The following MFN1 variants were observed in gnomAD, a reference collection of about 807,000 sequenced individuals.
MFN1 encodes the protein mitofusin-1.
MFN1 carries 65 observed loss-of-function variants against 92.4 expected under a neutral mutation model. The observed-to-expected ratio is 0.70, with a 90% CI of 0.58 to 0.86. MFN1 has a LOEUF of 0.86. Ranked by LOEUF, MFN1 falls within the 40% of genes least tolerant of loss-of-function variation. The pLI, the probability that MFN1 is intolerant of heterozygous loss-of-function variation, is 0.00. For missense variants in MFN1, 781 were observed against 868.0 expected (o/e 0.90, Z 1.26); for synonymous variants, 297 against 300.9 (o/e 0.99, Z 0.13).
intron 16 of MFN1, among the ~76,000 whole-genome samples, chr3:179,387,961 T>C (rs1181865938): frequency 6.6e-6 from 1 of 152,102 alleles, no homozygotes; most frequent in East Asian, 1.9e-4. Flanking sequence ...CTCAATCTCC[T>C]GACCTCATGA....
chr3:179,377,204 G>A (rs1266293436), intron 11 of MFN1, 36 bp downstream of exon 11: 1 of 1,587,960 alleles, frequency 6.3e-7, no homozygotes, highest in Admixed American at 1.8e-5. Context: ...AAATAACCTG[G>A]ATGGAAATTA....
At chr3:179,352,428 CTGAGA>C (rs1203003010) in intron 3 of MFN1, among the ~76,000 whole-genome samples, 1 of 152,214 alleles carries the variant, frequency 6.6e-6, no homozygotes, top group African/African-American at 2.4e-5. Context: ...AGGCTCTTGT[CTGAGA>C]TAACTATTTC....
At chr3:179,383,391 T>G (rs893377236) in intron 14 of MFN1, among the ~76,000 whole-genome samples, 9 of 152,204 alleles carry the variant, frequency 5.9e-5, no homozygotes, top group Non-Finnish European at 1.3e-4. Flanking sequence ...ATGTGTGGTA[T>G]TATTTCTGAG....
intron 4 of MFN1, 150 bp from the exon 5 acceptor site, chr3:179,362,208 T>C (rs992119301): frequency 6.9e-6 from 5 of 726,604 alleles, no homozygotes; most frequent in Non-Finnish European, 9.7e-6. Flanking sequence ...ATTTAAAAAT[T>C]CAGGTTCTCA....
chr3:179,365,232 T>A lies in MFN1; in HGVS notation c.753+7T>A, dbSNP rs1305022242. 1.3e-6 allele frequency: 2 copies of A among 1,500,622 alleles called. No individual in the cohort carries two copies. The highest frequency in any genetic ancestry group is 1.8e-6 in the Non-Finnish European group (2 of 1,123,088). The allele number at this position is 1,500,622 out of a possible 1,614,324, so 93.0% of individuals were successfully genotyped here. ...GCCAGAATATATGGAAGACGTAAGT[T>A]GTTATTTTTTTTTTTGTAGGTTTTG... On this transcript the variant is annotated splice_region_variant and intron_variant, in intron 7 of 17. Coordinates refer to ENST00000471841, the MANE Select transcript of MFN1 (RefSeq NM_033540.3).
chr3:179,387,903 T>C (rs2108560003), intron 16 of MFN1, among the ~76,000 whole-genome samples: 1 of 152,062 alleles, frequency 6.6e-6, no homozygotes, highest in South Asian at 2.1e-4. Flanking sequence ...TAATTTTGTT[T>C]TGTATTTTTA....
At chr3:179,361,512 G>A (rs1175255483) in intron 4 of MFN1, among the ~76,000 whole-genome samples, 1 of 151,334 alleles carries the variant, frequency 6.6e-6, no homozygotes, top group Non-Finnish European at 1.5e-5. Flanking sequence ...CTTTATTTCT[G>A]TGTGTACCCA....
At position 179,368,062 on chromosome 3, in the gene MFN1, G is replaced by T. The variant is rs151151919; in HGVS notation, c.934G>T (p.Ala312Ser). The T allele has an allele frequency of 7.3e-5, 114 of 1,572,204 alleles. No homozygotes were observed. Among genetic ancestry groups the T allele is most frequent in the Non-Finnish European group, 9.8e-5 (113 of 1,157,468 alleles). ...TGTGGCACTTGCTGAAGGATTTCAT[G>T]CAAGATTACAGGAATTTCAGAATTT... ...SGVALAEGFHARLQEFQNFEQ... is the reference protein window; with the variant it reads ...SGVALAEGFHSRLQEFQNFEQ... The change falls in exon 9 of 18, where the codon GCA becomes TCA. Residue 312 changes from alanine to serine, a missense_variant. By Grantham distance (99) the Ala-to-Ser change is moderately conservative (BLOSUM62 1). Transcript: ENST00000471841.
chr3:179,365,616 C>T (rs1461696188), intron 7 of MFN1, among the ~76,000 whole-genome samples: 1 of 152,150 alleles, frequency 6.6e-6, no homozygotes, highest in East Asian at 1.9e-4. Context: ...GATCAAAAAG[C>T]AGACCATTCT....
In MFN1 at chr3:179,375,209, G is replaced by A. The variant is rs1406363090; in HGVS notation, c.976-11G>A. 3 of 1,606,308 alleles carry A rather than the reference G, an allele frequency of 1.9e-6. No homozygotes were observed. Among genetic ancestry groups the A allele is most frequent in the South Asian group, 2.2e-5 (2 of 90,288 alleles). The stretch of plus-strand genomic sequence containing the variant: ...ATTACAGTAATGTGTTACGGCTTGG[G>A]CCCCTCGCAGGAGTGTATCTCGCAG... On this transcript the variant is annotated splice_polypyrimidine_tract_variant and intron_variant, in intron 9 of 17. Coordinates refer to ENST00000471841, the MANE Select transcript of MFN1 (RefSeq NM_033540.3).
rs1241159852 is a variant in MFN1 at position 179,365,689 on chromosome 3, A to T, written c.753+464A>T. 1.3e-5 allele frequency among the ~76,000 whole-genome samples: 2 copies of T among 152,206 alleles called. 1 individual carries two copies. The highest frequency in any genetic ancestry group is 2.9e-5 in the Non-Finnish European group (2 of 68,018). On this transcript the variant is annotated intron_variant, in intron 7 of 17. Coordinates refer to ENST00000471841, the MANE Select transcript of MFN1 (RefSeq NM_033540.3). ...AACTTCCCTTCTGTCCTACTTCCCA[A>T]GGAGAAATTATCCATTTATCATGAC...
At chr3:179,361,768 C>CCT (rs1712590711) in intron 4 of MFN1, among the ~76,000 whole-genome samples, 4 of 152,122 alleles carry the variant, frequency 2.6e-5, no homozygotes. Flanking sequence ...AAACTCCTGA[C>CCT]CTCAGTTGAT....
chr3:179,367,514 C>G lies in MFN1; in HGVS notation c.829C>G (p.Gln277Glu). 6.2e-7 allele frequency: 1 copy of G among 1,613,790 alleles called. No individual in the cohort carries two copies. The highest frequency in any genetic ancestry group is 8.5e-7 in the Non-Finnish European group (1 of 1,179,854). ...ELKVVNALEA[Q>E]NRIFFVSAKE... ...CAAAGTTGTAAATGCTTTAGAAGCA[C>G]AGAATCGTATCTTCTTTGTTTCAGC... Residue 277 changes from glutamine to glutamate, a missense_variant, in exon 8 of 18, where the codon CAG (glutamine) becomes GAG (glutamate). Transcript: ENST00000471841.
intron 9 of MFN1, among the ~76,000 whole-genome samples, chr3:179,374,341 TATATAAC>T (rs1713142925): frequency 7.1e-6 from 1 of 141,302 alleles, no homozygotes; most frequent in Non-Finnish European, 1.5e-5. Context: ...ATGTAATATA[TATATAAC>T]ATATATAACA....
rs548336233 is a variant in MFN1, at chr3:179,362,615, G to C, written c.536+133G>C. ...TTCTCATTAGCTAGATTAAGGAAGAGATATGGTATTGGTTTTATTTTATAA... is the reference window on the plus strand; with the variant it reads ...TTCTCATTAGCTAGATTAAGGAAGACATATGGTATTGGTTTTATTTTATAA... On this transcript the variant is annotated intron_variant, in intron 5 of 17. Transcript: ENST00000471841. The C allele has an allele frequency of 3.2e-5, 22 of 693,980 alleles. No individual in the cohort carries two copies. The African/African-American group carries it at 3.3e-4, about 11-fold the overall frequency. 43.0% of individuals were successfully genotyped at this position (693,980 alleles called of 1,614,324 possible).
At position 179,385,571 on chromosome 3, in the gene MFN1, C is replaced by A. The variant is rs370673180; in HGVS notation, c.1665C>A (p.Leu555=). The change falls in exon 15 of 18, where the codon CTC becomes CTA. Residue 555 remains leucine, a splice_region_variant and synonymous_variant. Transcript: ENST00000471841. ...LLGLSEPIFQ[L]PRSLASTPTA... ...TCCTTTCTCTTTTTTTTTGGCAGCT[C>A]CCTAGATCTTTAGCTTCTACTCCCA... 1.3e-6 allele frequency: 2 copies of A among 1,585,508 alleles called. No individual in the cohort carries two copies. Among genetic ancestry groups the A allele is most frequent in the Non-Finnish European group, 1.7e-6 (2 of 1,172,056 alleles).
chr3:179,353,473 G>T (rs1294915123), intron 3 of MFN1, among the ~76,000 whole-genome samples: 1 of 152,184 alleles, frequency 6.6e-6, no homozygotes, highest in Non-Finnish European at 1.5e-5. Flanking sequence ...CTCCCAAAGT[G>T]CTGGGATTAC....
chr3:179,364,979 T>A (rs1712728054), intron 6 of MFN1, 139 bp from the exon 7 acceptor site: 1 of 443,858 alleles, frequency 2.3e-6, no homozygotes, highest in South Asian at 7.3e-5. Context: ...GAAAGTTTAA[T>A]GCTCATAGAG....
At chr3:179,378,891 C>T (rs1713360389) in intron 14 of MFN1, 77 bp downstream of exon 14, 2 of 1,137,402 alleles carry the variant, frequency 1.8e-6, no homozygotes, top group South Asian at 1.5e-5. Context: ...ATAAAACTAG[C>T]TTTACAAAAT....
Sources: allele counts gnomAD v4.1 joint callset (sites outside exome capture counted in the v4.1 genomes callset), GRCh38; gene constraint gnomAD v4.1.1; transcripts MANE v1.5; gene names NCBI Gene and HGNC (gene_info 2026-07-23, HGNC 2026-07-21).